Variants in BMPR2 observed in about 807,000 individuals in gnomAD.
The protein encoded by BMPR2 is bone morphogenetic protein receptor type 2, also known as bone morphogenetic protein receptor type-2.
In BMPR2, 29 loss-of-function variants were observed where a neutral mutation model predicts 100.8. The ratio of observed to expected loss-of-function variants is 0.29; its 90% CI spans 0.21 to 0.39. The LOEUF (loss-of-function observed/expected upper bound fraction) is 0.39, where lower values mean the gene tolerates loss of function less well. BMPR2 is among the 10% of genes least tolerant of loss of function. The pLI, the probability that BMPR2 is intolerant of heterozygous loss-of-function variation, is 1.00. For synonymous variants in BMPR2, 382 were observed against 442.3 expected, an observed-to-expected ratio of 0.86 and a Z score of 1.71; for missense variants, 1,011 against 1,274.5, an observed-to-expected ratio of 0.79 and a Z score of 3.15.
chr2:202,434,444 A>G (rs1382045315), intron 1 of BMPR2, among the ~76,000 whole-genome samples: 1 of 150,286 alleles, frequency 6.7e-6, no homozygotes, highest in African/African-American at 2.5e-5. Context: ...GTTTTGAGAA[A>G]ACCAAAGCTT....
chr2:202,462,824 T>C (rs970193437), intron 1 of BMPR2, among the ~76,000 whole-genome samples: 1 of 151,954 alleles, frequency 6.6e-6, no homozygotes, highest in African/African-American at 2.4e-5. Flanking sequence ...GTGATTCTCT[T>C]GCCTCAGCTC....
chr2:202,442,817 A>T (rs1691774885), intron 1 of BMPR2, among the ~76,000 whole-genome samples: 1 of 150,620 alleles, frequency 6.6e-6, no homozygotes. Flanking sequence ...GTATGTATAT[A>T]CCATATTTTG....
At position 202,436,408 on chromosome 2, in the gene BMPR2, C is replaced by T. The variant is rs115607348; in HGVS notation, c.77-28401C>T. On this transcript the variant is annotated intron_variant, in intron 1 of 12. Transcript: ENST00000374580. ...CTGCAGTGAGCCCTGATTGTGCTAC[C>T]GCACTCCAGCCTGATGGATAGAGTG... Among the ~76,000 whole-genome samples the T allele has an allele frequency of 6.8e-3, 1,024 of 149,944 alleles. 107 individuals are homozygous for T. The highest frequency in any genetic ancestry group is 0.024 in the African/African-American group (953 of 39,532).
intron 5 of BMPR2, 75 bp from the exon 6 acceptor site, chr2:202,518,747 T>C: frequency 8.6e-7 from 1 of 1,167,572 alleles, no homozygotes; most frequent in African/African-American, 1.5e-5. Flanking sequence ...CTGTTTAAAT[T>C]TGTACTTTAT....
chr2:202,385,983 C>CT (rs146853244), intron 1 of BMPR2, among the ~76,000 whole-genome samples: 5 of 151,840 alleles, frequency 3.3e-5, no homozygotes, highest in Non-Finnish European at 7.4e-5. Context: ...CAATTTAATC[C>CT]TTTTTTTTCA....
intron 9 of BMPR2, among the ~76,000 whole-genome samples, chr2:202,533,814 C>T (rs1688072793): frequency 1.3e-5 from 2 of 152,066 alleles, no homozygotes; most frequent in Admixed American, 1.3e-4. Context: ...CAGAGCAAGA[C>T]TCCGTCTCAA....
chr2:202,510,737 A>G (rs1002631763), intron 3 of BMPR2, among the ~76,000 whole-genome samples: 8 of 151,814 alleles, frequency 5.3e-5, no homozygotes, highest in East Asian at 1.9e-4. Flanking sequence ...CTGGAGTGCA[A>G]TGGCATGATC....
chr2:202,520,160 C>T lies in BMPR2; in HGVS notation c.926C>T (p.Thr309Ile). Residue 309 changes from threonine (T) to isoleucine (I), a missense_variant, in exon 7 of 13, where the codon ACT becomes ATT. This residue lies in a region of BMPR2 where 355 missense variants were observed against 455.3 expected (regional missense o/e 0.78). Transcript: ENST00000374580. ...VSSCRLAHSV[T>I]RGLAYLHTEL... ...TCTTGCCGTCTTGCTCATTCTGTTA[C>T]TAGAGGACTGGCTTATCTTCACACA... 1.2e-6 allele frequency: 2 copies of T among 1,613,360 alleles called. No individual in the cohort carries two copies. The highest frequency in any genetic ancestry group is 1.7e-6 in the Non-Finnish European group (2 of 1,179,858).
chr2:202,544,517 A>C (rs922308767), intron 10 of BMPR2, among the ~76,000 whole-genome samples: 1 of 152,142 alleles, frequency 6.6e-6, no homozygotes, highest in Non-Finnish European at 1.5e-5. Context: ...CTCCAGTCTA[A>C]TGAGAATTTC....
At chr2:202,435,342 C>T (rs1025629200) in intron 1 of BMPR2, among the ~76,000 whole-genome samples, 7 of 125,986 alleles carry the variant, frequency 5.6e-5, no homozygotes, top group Admixed American at 1.7e-4. Context: ...CCAGCCTGGG[C>T]GACAGAGCCA....
intron 3 of BMPR2, among the ~76,000 whole-genome samples, chr2:202,485,545 C>CTTTTTTTGTTTTTTTTTTTTTT: frequency 1.6e-5 from 1 of 64,010 alleles, no homozygotes; most frequent in Non-Finnish European, 2.7e-5. Context: ...TTGCCTTTAT[C>CTTTTTTTGTTTTTTTTTTTTTT]TTTTTTTTTT....
At chr2:202,505,516 G>T (rs1344377092) in intron 3 of BMPR2, among the ~76,000 whole-genome samples, 1 of 151,904 alleles carries the variant, frequency 6.6e-6, no homozygotes, top group Non-Finnish European at 1.5e-5. Context: ...CACTGTGCTT[G>T]GTCTCTTATG....
At chr2:202,400,222 A>G (rs1448690497) in intron 1 of BMPR2, among the ~76,000 whole-genome samples, 1 of 152,120 alleles carries the variant, frequency 6.6e-6, no homozygotes, top group Admixed American at 6.6e-5. Flanking sequence ...GTTCACTGCA[A>G]CCTTTAAATC....
intron 3 of BMPR2, among the ~76,000 whole-genome samples, chr2:202,511,427 A>G (rs1336736116): frequency 6.6e-6 from 1 of 152,204 alleles, no homozygotes; most frequent in African/African-American, 2.4e-5. Context: ...ATATATGCCT[A>G]GGATTGGAAT....
intron 3 of BMPR2, among the ~76,000 whole-genome samples, chr2:202,504,592 C>G (rs747870478): frequency 6.6e-6 from 1 of 152,036 alleles, no homozygotes; most frequent in South Asian, 2.1e-4. Flanking sequence ...GTCAGTGAGA[C>G]CAAGAACCCA....
intron 5 of BMPR2, among the ~76,000 whole-genome samples, chr2:202,517,976 CTTTTTTTTTT>C (rs67110605): frequency 1.1e-5 from 1 of 88,462 alleles, no homozygotes. Context: ...CCACGCCTGA[CTTTTTTTTTT>C]TTTTTTTTTT....
chr2:202,535,675 G>A (rs1286441843), intron 9 of BMPR2, among the ~76,000 whole-genome samples: 1 of 152,148 alleles, frequency 6.6e-6, no homozygotes, highest in Non-Finnish European at 1.5e-5. Context: ...TCACTTCCCA[G>A]ACGGGGTGGC....
rs184135674 is a variant in BMPR2, at chr2:202,551,769, G to A, written c.1414-947G>A. On this transcript the variant is annotated intron_variant, in intron 10 of 12. Coordinates refer to ENST00000374580, the MANE Select transcript of BMPR2 (RefSeq NM_001204.7). ...GGGAGGAGTGCAGTGGCACGATCTT[G>A]GCTCAGTGCAACCTCTGCCTCCCGG... Among the ~76,000 whole-genome samples the A allele has an allele frequency of 3.2e-3, 486 of 152,144 alleles. 2 individuals carry two copies. Among genetic ancestry groups the A allele is most frequent in the African/African-American group, 0.011 (471 of 41,490 alleles).
In BMPR2 at chr2:202,520,129, G is replaced by T; in HGVS notation, c.895G>T (p.Val299Leu). ...TTTAAGTCTCCACACAAGTGACTGG[G>T]TAAGCTCTTGCCGTCTTGCTCATTC... ...KYLSLHTSDW[V>L]SSCRLAHSVT... Residue 299 changes from valine to leucine, a missense_variant, in exon 7 of 13, where the codon GTA becomes TTA. Physicochemically the swap from Val to Leu is conservative, Grantham distance 32. Coordinates refer to ENST00000374580, the MANE Select transcript of BMPR2 (RefSeq NM_001204.7). 6.2e-7 allele frequency: 1 copy of T among 1,613,516 alleles called. No individual in the cohort carries two copies. Among genetic ancestry groups the T allele is most frequent in the East Asian group, 2.2e-5 (1 of 44,850 alleles).
Sources: gnomAD v4.1 joint callset for allele counts (sites outside exome capture counted in the v4.1 genomes callset) on GRCh38, gnomAD v4.1.1 for gene constraint, gnomAD v4.1.1 regional missense constraint, MANE v1.5 for transcripts, NCBI Gene and HGNC (gene_info 2026-07-23, HGNC 2026-07-21) for gene names.